The following PCDH11Y variants were observed in gnomAD, a reference collection of about 807,000 sequenced individuals.
PCDH11Y encodes protocadherin-11 Y-linked.
For missense variants in PCDH11Y, 12 were observed against 224.8 expected (o/e 0.05, Z 6.05); for synonymous variants, 9 against 83.6 (o/e 0.11, Z 4.87).
At chrY:5,046,985 C>T (rs2052643776) in intron 3 of PCDH11Y, among the ~76,000 whole-genome samples, 1 of 33,757 alleles carries the variant, frequency 3.0e-5, no homozygotes, top group African/African-American at 1.2e-4. Flanking sequence ...GCACGGTGCG[C>T]GCACCCATTG....
intron 3 of PCDH11Y, among the ~76,000 whole-genome samples, chrY:5,572,044 ACT>A (rs2053439851): frequency 6.3e-5 from 2 of 31,820 alleles, no homozygotes; most frequent in Non-Finnish European, 1.5e-4. Context: ...TCATCATTTC[ACT>A]CTCAACCTCC....
At chrY:5,498,144 C>T in intron 2 of PCDH11Y, among the ~76,000 whole-genome samples, 1 of 33,247 alleles carries the variant, frequency 3.0e-5, no homozygotes, top group South Asian at 6.9e-4. Flanking sequence ...CTGCATGACT[C>T]CTAAACCATA....
intron 2 of PCDH11Y, among the ~76,000 whole-genome samples, chrY:5,379,765 A>G: frequency 4.8e-5 from 1 of 21,043 alleles, no homozygotes; most frequent in South Asian, 1.5e-3. Flanking sequence ...GGGGAAAACT[A>G]TCTCCCTTCT....
intron 2 of PCDH11Y, among the ~76,000 whole-genome samples, chrY:5,176,593 C>T: frequency 3.0e-5 from 1 of 33,167 alleles, no homozygotes; most frequent in Admixed American, 2.8e-4. Flanking sequence ...AAAGCCTACA[C>T]CTGCTCATTG....
intron 1 of PCDH11Y, among the ~76,000 whole-genome samples, chrY:5,059,108 A>C: frequency 3.0e-5 from 1 of 33,096 alleles, no homozygotes; most frequent in Non-Finnish European, 7.4e-5. Flanking sequence ...TTAAGTACTT[A>C]TAGAAATGTG....
chrY:5,255,575 C>T, intron 2 of PCDH11Y, among the ~76,000 whole-genome samples: 1 of 32,619 alleles, frequency 3.1e-5, no homozygotes, highest in African/African-American at 1.2e-4. Context: ...AGTGGGATGG[C>T]GGGATTGTAT....
At chrY:5,640,158 C>A in intron 4 of PCDH11Y, among the ~76,000 whole-genome samples, 1 of 32,894 alleles carries the variant, frequency 3.0e-5, no homozygotes, top group Non-Finnish European at 7.4e-5. Flanking sequence ...CATCTTCAGG[C>A]TCCACTTTTA....
At chrY:5,486,748 TA>T (rs2053333348) in intron 2 of PCDH11Y, among the ~76,000 whole-genome samples, 2 of 11,370 alleles carry the variant, frequency 1.8e-4, no homozygotes, top group African/African-American at 1.1e-3. Context: ...TATATATATA[TA>T]TATTTTTTTT....
intron 2 of PCDH11Y, among the ~76,000 whole-genome samples, chrY:5,472,280 T>C: frequency 2.1e-4 from 7 of 32,642 alleles, no homozygotes; most frequent in Non-Finnish European, 4.6e-4. Context: ...TTCTGGGCAC[T>C]GCAGGTCTTC....
chrY:5,143,083 A>G (rs2124642729), intron 2 of PCDH11Y, among the ~76,000 whole-genome samples: 1 of 32,844 alleles, frequency 3.0e-5, no homozygotes, highest in East Asian at 8.0e-4. Context: ...TTTTCAATGC[A>G]CTTCTCACTC....
intron 2 of PCDH11Y, among the ~76,000 whole-genome samples, chrY:5,151,697 A>T: frequency 3.3e-5 from 1 of 30,536 alleles, no homozygotes; most frequent in Non-Finnish European, 8.0e-5. Flanking sequence ...GTATATAAAA[A>T]AGACCAAGCT....
chrY:5,288,127 C>A (rs2124661544), intron 2 of PCDH11Y, among the ~76,000 whole-genome samples: 13 of 32,442 alleles, frequency 4.0e-4, no homozygotes, highest in Non-Finnish European at 8.3e-4. Context: ...TATCCACACT[C>A]TGAATTCTAT....
chrY:5,701,612 G>T, intron 4 of PCDH11Y, among the ~76,000 whole-genome samples: 1 of 33,400 alleles, frequency 3.0e-5, no homozygotes, highest in African/African-American at 1.2e-4. Flanking sequence ...TGTCCAGGTA[G>T]AAGTTTGCTT....
At chrY:5,239,281 T>G in intron 2 of PCDH11Y, among the ~76,000 whole-genome samples, 1 of 33,346 alleles carries the variant, frequency 3.0e-5, no homozygotes, top group Admixed American at 2.8e-4. Flanking sequence ...TGTAGGGACA[T>G]GGTTGAAGCT....
intron 2 of PCDH11Y, among the ~76,000 whole-genome samples, chrY:5,344,957 C>T (rs2053150460): frequency 1.4e-4 from 5 of 34,824 alleles, no homozygotes; most frequent in African/African-American, 4.5e-4. Flanking sequence ...TGCGCCACCG[C>T]GCCTGGCCAC....
intron 3 of PCDH11Y, among the ~76,000 whole-genome samples, chrY:5,521,066 A>C: frequency 6.0e-5 from 2 of 33,443 alleles, no homozygotes; most frequent in African/African-American, 2.3e-4. Flanking sequence ...GCTGCCTGAC[A>C]AAAAGGGTAA....
At chrY:5,280,311 G>A (rs2053052201) in intron 2 of PCDH11Y, among the ~76,000 whole-genome samples, 1 of 31,914 alleles carries the variant, frequency 3.1e-5, no homozygotes, top group East Asian at 8.4e-4. Flanking sequence ...GCCCCAGTGT[G>A]TGTTGTCCCC....
At chrY:5,687,099 G>C in intron 4 of PCDH11Y, among the ~76,000 whole-genome samples, 1 of 31,003 alleles carries the variant, frequency 3.2e-5, no homozygotes, top group Admixed American at 3.0e-4. Flanking sequence ...CCTAGATGAT[G>C]GGATGATCCA....
chrY:5,303,348 G>A (rs2563022), intron 2 of PCDH11Y, among the ~76,000 whole-genome samples: 1 of 32,493 alleles, frequency 3.1e-5, no homozygotes, highest in African/African-American at 1.2e-4. Flanking sequence ...TGGCTGCTTC[G>A]TTGATATTGT....
Sources: gnomAD v4.1 joint callset for allele counts (sites outside exome capture counted in the v4.1 genomes callset) on GRCh38, gnomAD v4.1.1 for gene constraint, MANE v1.5 for transcripts, NCBI Gene and HGNC (gene_info 2026-07-23, HGNC 2026-07-21) for gene names.